The following CHN2 variants were observed in gnomAD, a reference collection of about 807,000 sequenced individuals.
CHN2 encodes chimerin 2, also known as beta-chimaerin.
A neutral mutation model predicts 56.3 loss-of-function variants in CHN2; 35 were observed. The observed-to-expected ratio is 0.62, with a 90% confidence interval of 0.47 to 0.82. The LOEUF is 0.82. Among genes scored for constraint, CHN2 ranks in the 40% least tolerant of loss-of-function variants. CHN2 has a pLI of 0.00. For missense variants in CHN2, 491 were observed against 580.5 expected (o/e 0.85, Z 1.58); for synonymous variants, 210 against 212.8 (o/e 0.99, Z 0.12).
chr7:29,325,294 C>T (rs1370301117), intron 1 of CHN2, among the ~76,000 whole-genome samples: 2 of 152,176 alleles, frequency 1.3e-5, no homozygotes. Context: ...ACACAGTTTG[C>T]CCAGATGTGA....
intron 1 of CHN2, among the ~76,000 whole-genome samples, chr7:29,234,919 G>A (rs1413199797): frequency 2.0e-5 from 3 of 152,178 alleles, no homozygotes; most frequent in South Asian, 4.1e-4. Flanking sequence ...GTATCAGGAA[G>A]TGTCAACATT....
chr7:29,387,928 C>T (rs1014458439), intron 3 of CHN2, among the ~76,000 whole-genome samples: 2 of 152,188 alleles, frequency 1.3e-5, no homozygotes, highest in Non-Finnish European at 2.9e-5. Context: ...AGACTGCACA[C>T]AAATATACCT....
At chr7:29,312,066 A>C (rs1317357334) in intron 1 of CHN2, among the ~76,000 whole-genome samples, 1 of 152,218 alleles carries the variant, frequency 6.6e-6, no homozygotes. Context: ...AAATTAATAC[A>C]AATCCTTCAT....
chr7:29,208,753 G>C (rs1229538457), intron 1 of CHN2: 2 of 152,108 alleles, frequency 1.3e-5, no homozygotes, highest in East Asian at 3.9e-4. Context: ...TGCAATTATT[G>C]TAAGGATTAG....
intron 5 of CHN2, 55 bp downstream of exon 5, chr7:29,398,541 T>A: frequency 9.2e-7 from 1 of 1,084,888 alleles, no homozygotes; most frequent in Non-Finnish European, 1.4e-6. Context: ...TTCACTGATG[T>A]TTGCCCATTT....
intron 6 of CHN2, among the ~76,000 whole-genome samples, chr7:29,458,337 G>A (rs1191927288): frequency 6.7e-6 from 1 of 149,448 alleles, no homozygotes; most frequent in African/African-American, 2.5e-5. Flanking sequence ...GTTTCCTAAG[G>A]GAATGAGACA....
chr7:29,302,035 C>T (rs966211578), intron 1 of CHN2, among the ~76,000 whole-genome samples: 14 of 152,166 alleles, frequency 9.2e-5, no homozygotes, highest in African/African-American at 2.4e-4. Context: ...GCCAGAGGAG[C>T]CCTAAGGCAG....
chr7:29,257,098 G>A (rs1001743261), intron 1 of CHN2, among the ~76,000 whole-genome samples: 6 of 152,144 alleles, frequency 3.9e-5, no homozygotes, highest in African/African-American at 1.4e-4. Flanking sequence ...CAGGCTGCCT[G>A]GTCTGAAATT....
chr7:29,240,442 T>C (rs916889312), intron 1 of CHN2, among the ~76,000 whole-genome samples: 1 of 152,208 alleles, frequency 6.6e-6, no homozygotes, highest in African/African-American at 2.4e-5. Context: ...GTGAAAAAGA[T>C]TGCAAAATCA....
chr7:29,488,456 A>C lies in CHN2; in HGVS notation c.655-7496A>C, dbSNP rs73309095. 5.8e-3 allele frequency among the ~76,000 whole-genome samples: 882 copies of C among 152,296 alleles called. 6 individuals are homozygous for C. The highest frequency in any genetic ancestry group is 0.019 in the African/African-American group (807 of 41,562). On this transcript the variant is annotated intron_variant, in intron 7 of 12. Transcript: ENST00000222792. The stretch of plus-strand genomic sequence containing the variant: ...GTTAACCCTGGGCAAACACTAGACT[A>C]GACCTCCAGAACCCAGCCACATGTA...
rs1793304347 is a variant in CHN2, at chr7:29,297,759, C to T, written c.50-56866C>T. Reference sequence around the variant, plus strand: ...ACTAGTTTAAGGCTTGGGAAATTAACCTTTCCCAGTTTGGAGGATGCACCC... The same window carrying T: ...ACTAGTTTAAGGCTTGGGAAATTAATCTTTCCCAGTTTGGAGGATGCACCC... On this transcript the variant is annotated intron_variant, in intron 1 of 12. Transcript: ENST00000222792. Among the ~76,000 whole-genome samples the T allele has an allele frequency of 1.3e-5, 2 of 151,996 alleles. 1 individual carries two copies. Among genetic ancestry groups the T allele is most frequent in the African/African-American group, 4.8e-5 (2 of 41,358 alleles).
chr7:29,323,155 C>G (rs947712836), intron 1 of CHN2, among the ~76,000 whole-genome samples: 1 of 151,040 alleles, frequency 6.6e-6, no homozygotes, highest in East Asian at 2.0e-4. Context: ...ATCCGTCCCC[C>G]CCGTTCCCCC....
chr7:29,260,651 A>G (rs1053836570), intron 1 of CHN2, among the ~76,000 whole-genome samples: 7 of 152,050 alleles, frequency 4.6e-5, no homozygotes, highest in Non-Finnish European at 7.4e-5. Flanking sequence ...TGGGTCAGCT[A>G]TTTTCTGACT....
chr7:29,438,975 A>G (rs1437256334), intron 6 of CHN2, among the ~76,000 whole-genome samples: 2 of 152,240 alleles, frequency 1.3e-5, no homozygotes, highest in Non-Finnish European at 2.9e-5. Flanking sequence ...TTCACTGACT[A>G]GTCTATAACC....
chr7:29,426,435 G>T (rs1338301497), intron 6 of CHN2, among the ~76,000 whole-genome samples: 1 of 152,134 alleles, frequency 6.6e-6, no homozygotes, highest in Non-Finnish European at 1.5e-5. Flanking sequence ...TGTTTGTATA[G>T]GAGAACTTGC....
At position 29,508,921 on chromosome 7, in the gene CHN2, GTATGTGGTGCAGTTTAAATTAAAAC is replaced by G. The variant is rs1397526193; in HGVS notation, c.1130-378_1130-354del. Among the ~76,000 whole-genome samples, 1,275 of 152,300 alleles carry G rather than the reference GTATGTGGTGCAGTTTAAATTAAAAC, an allele frequency of 8.4e-3. 11 individuals carry two copies. Among genetic ancestry groups the G allele is most frequent in the African/African-American group, 0.027 (1,134 of 41,550 alleles). On this transcript the variant is annotated intron_variant, in intron 11 of 12. Coordinates refer to ENST00000222792, the MANE Select transcript of CHN2 (RefSeq NM_004067.4). ...TAGACAACTGCAAGGCAATACTACC[GTATGTGGTGCAGTTTAAATTAAAAC>G]TTGTGAGAGGGATATTTCTAGCAAA...
rs1310282015 is a variant in CHN2 at position 29,444,301 on chromosome 7, AC to A, written c.577-35974del. ...GTTATCTATGGCTGCATAACAAATTACCCCAAAATGTAGTGACTTTAAACAC... is the reference window on the plus strand; with the variant it reads ...GTTATCTATGGCTGCATAACAAATTACCCAAAATGTAGTGACTTTAAACAC... On this transcript the variant is annotated intron_variant, in intron 6 of 12. Transcript: ENST00000222792. Among the ~76,000 whole-genome samples the A allele has an allele frequency of 5.3e-5, 8 of 152,288 alleles. No individual in the cohort carries two copies. The South Asian group carries it at 1.0e-3, about 20-fold the overall frequency.
intron 1 of CHN2, among the ~76,000 whole-genome samples, chr7:29,330,244 G>T (rs1796118969): frequency 2.0e-5 from 3 of 152,106 alleles, no homozygotes; most frequent in Non-Finnish European, 4.4e-5. Context: ...AAATAACAGT[G>T]GCCTCATTCA....
intron 6 of CHN2, among the ~76,000 whole-genome samples, chr7:29,441,389 A>G (rs1432141595): frequency 1.3e-5 from 2 of 152,246 alleles, no homozygotes; most frequent in Admixed American, 6.5e-5. Flanking sequence ...GCAAGTCTTC[A>G]TCACCTTGGA....
Sources: allele counts gnomAD v4.1 joint callset (sites outside exome capture counted in the v4.1 genomes callset), GRCh38; gene constraint gnomAD v4.1.1; transcripts MANE v1.5; gene names NCBI Gene and HGNC (gene_info 2026-07-23, HGNC 2026-07-21).